Variants in ROBO1 observed in about 807,000 individuals in gnomAD.
ROBO1 encodes the protein roundabout homolog 1.
ROBO1 carries 149 observed loss-of-function variants against 195.9 expected under a neutral mutation model. The observed-to-expected ratio is 0.76, with a 90% CI of 0.67 to 0.87. The LOEUF is 0.87. Ranked by LOEUF, ROBO1 falls within the 40% of genes least tolerant of loss-of-function variation. ROBO1 has a pLI of 0.00. For synonymous variants in ROBO1, 816 were observed against 733.2 expected, an observed-to-expected ratio of 1.11 and a Z score of -1.82; for missense variants, 1,933 against 2,068.3, an observed-to-expected ratio of 0.93 and a Z score of 1.27.
intron 4 of ROBO1, among the ~76,000 whole-genome samples, chr3:78,832,013 G>GTATA (rs2032263483): frequency 6.9e-6 from 1 of 144,408 alleles, no homozygotes; most frequent in Non-Finnish European, 1.5e-5. Flanking sequence ...ACCATATCAG[G>GTATA]TATGAGGAAA....
At chr3:79,633,205 C>A (rs1945395430) in intron 1 of ROBO1, among the ~76,000 whole-genome samples, 1 of 143,090 alleles carries the variant, frequency 7.0e-6, no homozygotes, top group Non-Finnish European at 1.5e-5. Flanking sequence ...TTGAAAGGGT[C>A]TCACTCTGTC....
intron 2 of ROBO1, among the ~76,000 whole-genome samples, chr3:79,442,205 G>T (rs1055522261): frequency 6.6e-6 from 1 of 151,846 alleles, no homozygotes; most frequent in African/African-American, 2.4e-5. Context: ...AACTATTTTG[G>T]TCTCTCATAG....
At chr3:78,711,432 TTTCTTTCTTTCCTTCC>T (rs1242841734) in intron 8 of ROBO1, among the ~76,000 whole-genome samples, 2 of 88,626 alleles carry the variant, frequency 2.3e-5, no homozygotes, top group South Asian at 4.1e-4. Context: ...TCTTTCTTTC[TTTCTTTCTTTCCTTCC>T]TTCCTTCCTT....
chr3:78,656,345 A>ATTTTT (rs5850382), intron 18 of ROBO1, among the ~76,000 whole-genome samples: 16 of 88,592 alleles, frequency 1.8e-4, no homozygotes, highest in African/African-American at 2.5e-4. Context: ...TGCTTATTTG[A>ATTTTT]TTTTTTTTTT....
At chr3:79,008,921 G>GTT (rs1471792576) in intron 3 of ROBO1, among the ~76,000 whole-genome samples, 1 of 149,654 alleles carries the variant, frequency 6.7e-6, no homozygotes, top group Non-Finnish European at 1.5e-5. Flanking sequence ...GTGTGTGTGT[G>GTT]TGTGTGTGTA....
chr3:79,088,219 T>C (rs1004794968), intron 3 of ROBO1, among the ~76,000 whole-genome samples: 10 of 152,116 alleles, frequency 6.6e-5, no homozygotes, highest in African/African-American at 2.4e-4. Flanking sequence ...ACAGAATGAC[T>C]TCTAAATTGA....
intron 4 of ROBO1, among the ~76,000 whole-genome samples, chr3:78,855,433 A>C (rs920409343): frequency 8.5e-5 from 13 of 152,204 alleles, no homozygotes; most frequent in African/African-American, 2.7e-4. Context: ...GGCAACTGTA[A>C]ATTCACCAAG....
chr3:78,612,531 T>C (rs1703881027), intron 28 of ROBO1, among the ~76,000 whole-genome samples: 2 of 152,346 alleles, frequency 1.3e-5, no homozygotes, highest in Admixed American at 6.5e-5. Flanking sequence ...ATCCAGCGTG[T>C]CTGCATTTCT....
At chr3:79,591,260 A>T in intron 1 of ROBO1, among the ~76,000 whole-genome samples, 1 of 151,860 alleles carries the variant, frequency 6.6e-6, no homozygotes, top group South Asian at 2.1e-4. Flanking sequence ...AAAAAAGGTT[A>T]CTAAATTATT....
intron 2 of ROBO1, among the ~76,000 whole-genome samples, chr3:79,304,418 G>T (rs1009778752): frequency 1.3e-5 from 2 of 152,128 alleles, no homozygotes; most frequent in Non-Finnish European, 2.9e-5. Context: ...TGTGTAATTT[G>T]ATAGGTTTAT....
chr3:78,726,924 A>G (rs1476039312), intron 5 of ROBO1, among the ~76,000 whole-genome samples: 4 of 152,184 alleles, frequency 2.6e-5, no homozygotes, highest in African/African-American at 9.6e-5. Context: ...ACAATCCAGA[A>G]AAAATAACTT....
At chr3:78,987,683 C>G (rs1559562058) in intron 3 of ROBO1, among the ~76,000 whole-genome samples, 1 of 151,734 alleles carries the variant, frequency 6.6e-6, no homozygotes, top group Non-Finnish European at 1.5e-5. Flanking sequence ...TGAATAAGAC[C>G]TAGTATTTCA....
At chr3:79,454,210 T>A (rs544318565) in intron 2 of ROBO1, among the ~76,000 whole-genome samples, 1 of 150,158 alleles carries the variant, frequency 6.7e-6, no homozygotes, top group African/African-American at 2.4e-5. Context: ...TTGAAAAAAA[T>A]TTGAAATGAT....
intron 2 of ROBO1, among the ~76,000 whole-genome samples, chr3:79,426,370 GTTGTTTGT>G (rs900001867): frequency 6.6e-6 from 1 of 151,778 alleles, no homozygotes; most frequent in South Asian, 2.1e-4. Flanking sequence ...TGTTGTTGTT[GTTGTTTGT>G]TTGTTTGTTT....
chr3:79,351,123 A>C (rs1308192513), intron 2 of ROBO1, among the ~76,000 whole-genome samples: 1 of 152,224 alleles, frequency 6.6e-6, no homozygotes, highest in African/African-American at 2.4e-5. Context: ...TATGAATTAC[A>C]TATCAAAAAA....
At chr3:79,391,084 G>C (rs376928288) in intron 2 of ROBO1, among the ~76,000 whole-genome samples, 1 of 148,754 alleles carries the variant, frequency 6.7e-6, no homozygotes, top group Non-Finnish European at 1.5e-5. Flanking sequence ...GATTCCTTGA[G>C]TCCCAGTCTG....
rs139874857 is a variant in ROBO1, at chr3:79,174,230, T to A, written c.89-48691A>T. Among the ~76,000 whole-genome samples the A allele has an allele frequency of 6.5e-3, 996 of 152,096 alleles. 6 individuals are homozygous for A. The highest frequency in any genetic ancestry group is 0.01 in the Non-Finnish European group (680 of 67,988). ...ACACTGCCTTTATAAGCTGTAACAC[T>A]CACTGCGAAGGTCTGCAGCTTCACT... On this transcript the variant is annotated intron_variant, in intron 2 of 30. Transcript: ENST00000464233.
At chr3:79,692,012 A>C (rs1255602781) in intron 1 of ROBO1, among the ~76,000 whole-genome samples, 1 of 151,890 alleles carries the variant, frequency 6.6e-6, no homozygotes, top group Non-Finnish European at 1.5e-5. Flanking sequence ...TTATAGAGGA[A>C]GTACAAGGTA....
intron 4 of ROBO1, among the ~76,000 whole-genome samples, chr3:78,815,541 G>A (rs1057326037): frequency 4.6e-5 from 7 of 152,152 alleles, no homozygotes; most frequent in African/African-American, 9.7e-5. Flanking sequence ...TGAGGGAGAT[G>A]AGGAAAGCTT....
Sources: gnomAD v4.1 joint callset for allele counts (sites outside exome capture counted in the v4.1 genomes callset) on GRCh38, gnomAD v4.1.1 for gene constraint, MANE v1.5 for transcripts, NCBI Gene and HGNC (gene_info 2026-07-23, HGNC 2026-07-21) for gene names.